LRRC1: variants seen among roughly 807,000 people sequenced by gnomAD.
LRRC1 encodes the protein leucine rich repeat containing 1, also known as leucine-rich repeat-containing protein 1.
In LRRC1, 28 loss-of-function variants were observed where a neutral mutation model predicts 69.9. The observed-to-expected ratio is 0.40, with a 90% CI of 0.30 to 0.55. LRRC1 has a LOEUF of 0.55. Among genes scored for constraint, LRRC1 ranks in the 20% least tolerant of loss-of-function variants. LRRC1 has a pLI of 0.47. For synonymous variants in LRRC1, 236 were observed against 240.2 expected, an observed-to-expected ratio of 0.98 and a Z score of 0.16; for missense variants, 498 against 609.0, an observed-to-expected ratio of 0.82 and a Z score of 1.92.
At chr6:53,851,949 G>A (rs1270749999) in intron 2 of LRRC1, among the ~76,000 whole-genome samples, 3 of 152,330 alleles carry the variant, frequency 2.0e-5, no homozygotes, top group South Asian at 4.1e-4. Context: ...TTTATTTGAA[G>A]TTTTAAAAAC....
rs144115751 is a variant in LRRC1 at position 53,898,696 on chromosome 6, T to G, written c.643-1051T>G. On this transcript the variant is annotated intron_variant, in intron 7 of 13. Transcript: ENST00000370888. ...GATACAAAGGCATTGTTAAAAGGAA[T>G]TAATGAAAAGTAAAACAACTTCAGG... Among the ~76,000 whole-genome samples, 658 of 152,292 alleles carry G rather than the reference T, an allele frequency of 4.3e-3. 6 individuals are homozygous for G. The highest frequency in any genetic ancestry group is 0.015 in the African/African-American group (613 of 41,566).
chr6:53,805,044 C>G (rs753960768), intron 1 of LRRC1, among the ~76,000 whole-genome samples: 1 of 151,430 alleles, frequency 6.6e-6, no homozygotes, highest in Non-Finnish European at 1.5e-5. Flanking sequence ...TTCTTTTTAT[C>G]TCTGTGCCCA....
At chr6:53,920,184 G>T (rs2127443290) in intron 12 of LRRC1, among the ~76,000 whole-genome samples, 1 of 152,316 alleles carries the variant, frequency 6.6e-6, no homozygotes. Context: ...GCCCAAGTGG[G>T]AGGACTTTAA....
rs77456991 is a variant in LRRC1 at position 53,896,441 on chromosome 6, G to T, written c.447-57G>T. The T allele has an allele frequency of 1.9e-3, 2,618 of 1,412,964 alleles. 38 individuals carry two copies. The African/African-American group carries it at 0.031, about 17-fold the overall frequency. The allele number at this position is 1,412,964 out of a possible 1,614,324, so 87.5% of individuals were successfully genotyped here. A position where few individuals can be genotyped will look rare whatever the true frequency, so the allele number is the denominator to read the frequency against. On this transcript the variant is annotated intron_variant, in intron 4 of 13. Transcript: ENST00000370888. ...CCAGTGTGTGTATGGGGGAAGGGAG[G>T]TAGGAAGAATCTCAGGAATTTCTCT... is the stretch of plus-strand genomic sequence containing the variant.
At chr6:53,896,385 C>A (rs2127435528) in intron 4 of LRRC1, 113 bp from the exon 5 acceptor site, 1 of 817,168 alleles carries the variant, frequency 1.2e-6, no homozygotes, top group Non-Finnish European at 2.1e-6. Context: ...GGTAAGTGAC[C>A]TACTAGGTTT....
Position 53,795,156 on chromosome 6 carries a change from C to A in LRRC1, c.-101C>A. 1 of 1,055,728 alleles carries A rather than the reference C, an allele frequency of 9.5e-7. No individual in the cohort carries two copies. Among genetic ancestry groups the A allele is most frequent in the African/African-American group, 1.6e-5 (1 of 61,356 alleles). The allele number at this position is 1,055,728 out of a possible 1,614,324, so 65.4% of individuals were successfully genotyped here. On this transcript the variant is annotated 5_prime_UTR_variant, in exon 1 of 14. Transcript: ENST00000370888. ...AGCTAACCCAAGAGCCAACAACGAG[C>A]GCGGAGAGGGCAGCGGACTGAGCGG...
At chr6:53,799,017 C>T (rs1017927980) in intron 1 of LRRC1, among the ~76,000 whole-genome samples, 1 of 151,634 alleles carries the variant, frequency 6.6e-6, no homozygotes, top group African/African-American at 2.4e-5. Context: ...TTCTCAGATA[C>T]CTTCAAATGC....
rs528196494 is a variant in LRRC1 at position 53,801,436 on chromosome 6, A to G, written c.159+6021A>G. Among the ~76,000 whole-genome samples the G allele has an allele frequency of 5.6e-4, 85 of 152,376 alleles. 1 individual carries two copies. The South Asian group carries it at 0.015, about 26-fold the overall frequency. On this transcript the variant is annotated intron_variant, in intron 1 of 13. Coordinates refer to ENST00000370888, the MANE Select transcript of LRRC1 (RefSeq NM_018214.5). Reference sequence around the variant, plus strand: ...CTAGTTTTATGTTTGGACATACTTCAATAACATTATAATAAATGTAATTTA... The same window carrying G: ...CTAGTTTTATGTTTGGACATACTTCGATAACATTATAATAAATGTAATTTA...
At chr6:53,848,366 G>A (rs1040869253) in intron 2 of LRRC1, among the ~76,000 whole-genome samples, 1 of 152,228 alleles carries the variant, frequency 6.6e-6, no homozygotes, top group Non-Finnish European at 1.5e-5. Context: ...AAGTAGGGGT[G>A]AAGAGGAATC....
At position 53,834,271 on chromosome 6, in the gene LRRC1, A is replaced by G. The variant is rs1437918871; in HGVS notation, c.160-7839A>G. Among the ~76,000 whole-genome samples the G allele has an allele frequency of 2.6e-5, 4 of 151,192 alleles. 1 individual carries two copies. In the South Asian group the frequency reaches 6.3e-4, roughly 24 times the overall value. ...ATCTGTCTAGATTTCTTGCATGTCT[A>G]CTCTCTCTGTCTGGATTGGTTTGGC... On this transcript the variant is annotated intron_variant, in intron 1 of 13. Transcript: ENST00000370888.
At chr6:53,880,786 ATTAT>A (rs1325013553) in intron 3 of LRRC1, among the ~76,000 whole-genome samples, 4 of 152,162 alleles carry the variant, frequency 2.6e-5, no homozygotes, top group African/African-American at 9.7e-5. Context: ...GAATTCCTCT[ATTAT>A]TTATTATTGT....
At chr6:53,896,462 T>C in intron 4 of LRRC1, 36 bp from the exon 5 acceptor site, 1 of 1,576,254 alleles carries the variant, frequency 6.3e-7, no homozygotes, top group South Asian at 1.1e-5. Flanking sequence ...CTCAGGAATT[T>C]CTCTTATGCT....
Position 53,920,757 on chromosome 6 carries a change from A to G in LRRC1, c.1412A>G (p.Glu471Gly). Residue 471 changes from glutamate (E) to glycine (G), a missense_variant, in exon 13 of 14, where the codon GAG becomes GGG. Glu to Gly is a moderately conservative substitution (Grantham distance 98). This residue lies in a region of LRRC1 where 162 missense variants were observed against 162.9 expected (regional missense o/e 0.99). Transcript: ENST00000370888. ...VEDEKDEEDN[E>G]TRTLLRRATP... ...GATGAGAAAGATGAAGAAGACAATGAGACGGTATGGAAATGCAGATTCTTT... is the reference window on the plus strand; with the variant it reads ...GATGAGAAAGATGAAGAAGACAATGGGACGGTATGGAAATGCAGATTCTTT... 1 of 1,614,194 alleles carries G rather than the reference A, an allele frequency of 6.2e-7. No individual in the cohort carries two copies. Among genetic ancestry groups the G allele is most frequent in the South Asian group, 1.1e-5 (1 of 91,076 alleles).
At chr6:53,800,402 C>T (rs1346559919) in intron 1 of LRRC1, among the ~76,000 whole-genome samples, 1 of 151,686 alleles carries the variant, frequency 6.6e-6, no homozygotes, top group Non-Finnish European at 1.5e-5. Flanking sequence ...CAGGCGCACA[C>T]CACCACGCCC....
At chr6:53,916,503 T>C (rs544106930) in intron 11 of LRRC1, among the ~76,000 whole-genome samples, 5 of 152,200 alleles carry the variant, frequency 3.3e-5, no homozygotes, top group African/African-American at 1.2e-4. Context: ...AGCTCTCATT[T>C]TGGTGGGGTT....
intron 2 of LRRC1, among the ~76,000 whole-genome samples, chr6:53,869,767 CAG>C (rs1766822957): frequency 6.6e-6 from 1 of 152,092 alleles, no homozygotes; most frequent in Non-Finnish European, 1.5e-5. Flanking sequence ...AAAACTGTAA[CAG>C]ATCTTACAAA....
Position 53,923,993 on chromosome 6 carries a change from G to A in LRRC1, c.*1200G>A, listed in dbSNP as rs1045569266. 2.0e-5 allele frequency: 3 copies of A among 152,652 alleles called. No individual in the cohort carries two copies. Among genetic ancestry groups the A allele is most frequent in the Non-Finnish European group, 4.4e-5 (3 of 68,034 alleles). The allele number at this position is 152,652 out of a possible 1,614,324, so 9.5% of individuals were successfully genotyped here. ...AAGGGATATTGGGAAAAGTTTTGGT[G>A]TGTTTCTGTTGATTTCTTTTTTGTA... On this transcript the variant is annotated 3_prime_UTR_variant, in exon 14 of 14. Transcript: ENST00000370888.
At chr6:53,821,303 A>T (rs1270998738) in intron 1 of LRRC1, among the ~76,000 whole-genome samples, 1 of 152,214 alleles carries the variant, frequency 6.6e-6, no homozygotes, top group African/African-American at 2.4e-5. Flanking sequence ...GGGTCCTAGC[A>T]TAGGCACTTT....
chr6:53,912,069 A>G (rs1011148411), intron 10 of LRRC1, among the ~76,000 whole-genome samples: 1 of 152,246 alleles, frequency 6.6e-6, no homozygotes, highest in African/African-American at 2.4e-5. Context: ...TTCACAAGTA[A>G]GTAAATAAAG....
Sources: allele counts gnomAD v4.1 joint callset (sites outside exome capture counted in the v4.1 genomes callset), GRCh38; gene constraint gnomAD v4.1.1; regional missense constraint gnomAD v4.1.1; transcripts MANE v1.5; gene names NCBI Gene and HGNC (gene_info 2026-07-23, HGNC 2026-07-21).